The following PACRG variants were observed in gnomAD, a reference collection of about 807,000 sequenced individuals.
PACRG encodes the protein parkin coregulated gene protein.
PACRG carries 29 observed loss-of-function variants against 29.7 expected under a neutral mutation model. The observed-to-expected ratio is 0.98, with a 90% confidence interval of 0.73 to 1.33. The LOEUF is 1.33. PACRG is among the 40% of genes most tolerant of loss of function. PACRG has a pLI of 0.00. For missense variants in PACRG, 279 were observed against 316.2 expected, an observed-to-expected ratio of 0.88 and a Z score of 0.89; for synonymous variants, 116 against 118.7, an observed-to-expected ratio of 0.98 and a Z score of 0.15.
chr6:163,231,682 C>A (rs1376336699), intron 4 of PACRG, among the ~76,000 whole-genome samples: 1 of 152,188 alleles, frequency 6.6e-6, no homozygotes, highest in South Asian at 2.1e-4. Flanking sequence ...CAGCACCCAC[C>A]AGGTGACTCC....
chr6:163,292,040 C>T (rs1047480993), intron 4 of PACRG, among the ~76,000 whole-genome samples: 1 of 151,794 alleles, frequency 6.6e-6, no homozygotes, highest in Non-Finnish European at 1.5e-5. Context: ...GCTGAGCTAA[C>T]GAAGGTTTAA....
At chr6:163,168,962 G>A (rs1472287080) in intron 4 of PACRG, among the ~76,000 whole-genome samples, 1 of 152,160 alleles carries the variant, frequency 6.6e-6, no homozygotes, top group Non-Finnish European at 1.5e-5. Context: ...TTGAATAAAA[G>A]CGACCAGAAG....
chr6:162,909,355 A>G (rs1796147653), intron 2 of PACRG, among the ~76,000 whole-genome samples: 1 of 151,954 alleles, frequency 6.6e-6, no homozygotes, highest in South Asian at 2.1e-4. Flanking sequence ...GGAGATCGAG[A>G]CCATCCTGGC....
chr6:162,830,144 C>T (rs906935559), intron 2 of PACRG, among the ~76,000 whole-genome samples: 1 of 152,000 alleles, frequency 6.6e-6, no homozygotes, highest in African/African-American at 2.4e-5. Context: ...ATAGCAACAC[C>T]GATGTATTTA....
intron 4 of PACRG, among the ~76,000 whole-genome samples, chr6:163,235,929 A>AGT (rs1782218009): frequency 4.3e-5 from 5 of 117,080 alleles, no homozygotes; most frequent in South Asian, 6.0e-4. Flanking sequence ...GAAAGGAAAA[A>AGT]AGTTGTTTTT....
chr6:162,781,953 C>A (rs1241149986), intron 1 of PACRG, among the ~76,000 whole-genome samples: 1 of 151,566 alleles, frequency 6.6e-6, no homozygotes, highest in Non-Finnish European at 1.5e-5. Flanking sequence ...TTTAAAAACA[C>A]CAATGAAAAG....
chr6:162,805,327 G>A (rs1229417099), intron 1 of PACRG, among the ~76,000 whole-genome samples: 1 of 152,094 alleles, frequency 6.6e-6, no homozygotes, highest in African/African-American at 2.4e-5. Context: ...AGGTACAATA[G>A]CATTATGTCT....
intron 2 of PACRG, among the ~76,000 whole-genome samples, chr6:162,836,692 C>CT (rs1304195789): frequency 6.6e-6 from 1 of 151,936 alleles, no homozygotes; most frequent in Non-Finnish European, 1.5e-5. Flanking sequence ...AGTCACATCC[C>CT]TTCTTGTTTT....
chr6:162,887,164 G>A (rs902150403), intron 2 of PACRG, among the ~76,000 whole-genome samples: 2 of 152,186 alleles, frequency 1.3e-5, no homozygotes, highest in African/African-American at 4.8e-5. Flanking sequence ...ATAAGGCCAG[G>A]CTGGTCTTGA....
At chr6:163,241,317 T>G (rs1172157308) in intron 4 of PACRG, among the ~76,000 whole-genome samples, 1 of 152,228 alleles carries the variant, frequency 6.6e-6, no homozygotes, top group Non-Finnish European at 1.5e-5. Context: ...TTTTTTCTCC[T>G]CAAGTCTTTA....
At chr6:163,312,989 C>T (rs1394960318) in intron 4 of PACRG, 3 of 236,404 alleles carry the variant, frequency 1.3e-5, no homozygotes, top group African/African-American at 4.7e-5. Flanking sequence ...CTCCTGGTCT[C>T]AAGCCATCCT....
intron 2 of PACRG, among the ~76,000 whole-genome samples, chr6:162,957,040 A>T (rs979493993): frequency 2.1e-5 from 3 of 142,624 alleles, no homozygotes; most frequent in Admixed American, 7.0e-5. Flanking sequence ...TAAAGCGTTT[A>T]AAAAAAAAAA....
chr6:162,807,678 CAG>C (rs1163954101), intron 1 of PACRG, among the ~76,000 whole-genome samples: 1 of 152,030 alleles, frequency 6.6e-6, no homozygotes, highest in African/African-American at 2.4e-5. Context: ...GTCACCATAA[CAG>C]ATATAATAAT....
intron 2 of PACRG, among the ~76,000 whole-genome samples, chr6:163,025,718 GA>G (rs1253601350): frequency 2.6e-5 from 4 of 152,242 alleles, no homozygotes; most frequent in African/African-American, 7.2e-5. Flanking sequence ...AAAAGAACCA[GA>G]AGGTGCTGAG....
At chr6:162,739,282 C>T (rs1780391489) in intron 1 of PACRG, among the ~76,000 whole-genome samples, 2 of 152,016 alleles carry the variant, frequency 1.3e-5, no homozygotes, top group Non-Finnish European at 2.9e-5. Flanking sequence ...GGAGTTTTAT[C>T]ATGTAGATTT....
intron 4 of PACRG, among the ~76,000 whole-genome samples, chr6:163,185,080 C>T (rs559745008): frequency 6.6e-6 from 1 of 152,248 alleles, no homozygotes; most frequent in South Asian, 2.1e-4. Flanking sequence ...ATTAATTTAG[C>T]ACACCACCAT....
intron 1 of PACRG, among the ~76,000 whole-genome samples, chr6:162,747,138 A>G (rs1781051356): frequency 6.6e-6 from 1 of 151,398 alleles, no homozygotes; most frequent in Non-Finnish European, 1.5e-5. Flanking sequence ...ACCCATCCTT[A>G]ACCTGAGTGG....
chr6:162,938,089 C>G (rs1447248790), intron 2 of PACRG, among the ~76,000 whole-genome samples: 1 of 152,096 alleles, frequency 6.6e-6, no homozygotes, highest in African/African-American at 2.4e-5. Context: ...TCCATTGTGT[C>G]ATTCTTATGC....
intron 1 of PACRG, among the ~76,000 whole-genome samples, chr6:162,734,487 C>A (rs1780011604): frequency 6.9e-6 from 1 of 145,108 alleles, no homozygotes; most frequent in Non-Finnish European, 1.5e-5. Context: ...TTAGGAATTC[C>A]TATCCAATTT....
Sources: gnomAD v4.1 joint callset for allele counts (sites outside exome capture counted in the v4.1 genomes callset) on GRCh38, gnomAD v4.1.1 for gene constraint, MANE v1.5 for transcripts, NCBI Gene and HGNC (gene_info 2026-07-23, HGNC 2026-07-21) for gene names.